The following FUBP3 variants were observed in gnomAD, a reference collection of about 807,000 sequenced individuals.
FUBP3 encodes far upstream element-binding protein 3.
In FUBP3, 28 loss-of-function variants were observed where a neutral mutation model predicts 85.6. The ratio of observed to expected loss-of-function variants is 0.33; its 90% CI spans 0.24 to 0.45. The LOEUF (loss-of-function observed/expected upper bound fraction) is 0.45. Ranked by LOEUF, FUBP3 falls within the 20% of genes least tolerant of loss-of-function variation. The pLI, the probability that FUBP3 is intolerant of heterozygous loss-of-function variation, is 1.00. For missense variants in FUBP3, 583 were observed against 755.1 expected (o/e 0.77, Z 2.67); for synonymous variants, 271 against 271.4 (o/e 1.00, Z 0.01).
intron 9 of FUBP3, among the ~76,000 whole-genome samples, chr9:130,622,169 C>G (rs1274729537): frequency 6.7e-6 from 1 of 149,308 alleles, no homozygotes; most frequent in Non-Finnish European, 1.5e-5. Flanking sequence ...CTAAAAAATA[C>G]AAAAATAAAC....
At chr9:130,615,763 G>A (rs924447774) in intron 6 of FUBP3, among the ~76,000 whole-genome samples, 3 of 152,260 alleles carry the variant, frequency 2.0e-5, no homozygotes, top group South Asian at 2.1e-4. Context: ...ATCCAGCACC[G>A]CCTCCCCCTT....
At chr9:130,583,687 G>C (rs1159047601) in intron 1 of FUBP3, among the ~76,000 whole-genome samples, 2 of 152,168 alleles carry the variant, frequency 1.3e-5, no homozygotes, top group Non-Finnish European at 2.9e-5. Flanking sequence ...TACATTGTTG[G>C]GACCCAGTAG....
chr9:130,580,921 TCTTA>T (rs1185902936), intron 1 of FUBP3: 1 of 152,236 alleles, frequency 6.6e-6, no homozygotes, highest in African/African-American at 2.4e-5. Context: ...TGAGTATCCA[TCTTA>T]CTTAGACTTC....
At chr9:130,633,260 TG>T (rs1830287869) in intron 16 of FUBP3, among the ~76,000 whole-genome samples, 1 of 152,276 alleles carries the variant, frequency 6.6e-6, no homozygotes, top group Non-Finnish European at 1.5e-5. Flanking sequence ...TATCTTATTA[TG>T]AAACGTTTCA....
chr9:130,592,013 C>T (rs1830646331), intron 1 of FUBP3, among the ~76,000 whole-genome samples: 2 of 152,168 alleles, frequency 1.3e-5, no homozygotes, highest in Admixed American at 1.3e-4. Context: ...AGGTGGATCA[C>T]CTGAGGTCAG....
At chr9:130,604,083 G>A (rs1334179083) in intron 2 of FUBP3, among the ~76,000 whole-genome samples, 1 of 152,148 alleles carries the variant, frequency 6.6e-6, no homozygotes, top group Non-Finnish European at 1.5e-5. Context: ...AGTACATCCA[G>A]CAACTTGGAT....
intron 1 of FUBP3, among the ~76,000 whole-genome samples, chr9:130,582,714 C>G (rs1257416265): frequency 6.6e-6 from 1 of 152,180 alleles, no homozygotes; most frequent in Non-Finnish European, 1.5e-5. Context: ...AGATCCAAGT[C>G]TGGTTTATGT....
rs79234751 is a variant in FUBP3, at chr9:130,606,221, A to C, written c.191-3733A>C. ...AAAACGCCCTGAATCCTCACCGCTA[A>C]GTGTGTGTTACTGACCTGAGCTGGG... On this transcript the variant is annotated intron_variant, in intron 2 of 18. Transcript: ENST00000319725. Among the ~76,000 whole-genome samples the C allele has an allele frequency of 6.0e-3, 917 of 152,198 alleles. 13 individuals are homozygous for C. Among genetic ancestry groups the C allele is most frequent in the African/African-American group, 0.021 (870 of 41,508 alleles).
At position 130,635,026 on chromosome 9, in the gene FUBP3, G is replaced by T. The variant is rs1276478708; in HGVS notation, c.1582+288G>T. 1.3e-5 allele frequency among the ~76,000 whole-genome samples: 2 copies of T among 152,166 alleles called. No homozygotes were observed. Among genetic ancestry groups the T allele is most frequent in the Admixed American group, 6.5e-5 (1 of 15,280 alleles). The stretch of plus-strand genomic sequence containing the variant: ...CTTGAGGTGGGCGTGGCACCTGGAA[G>T]TGTGGGCTCAGCTGGCGTCTGGTCT... On this transcript the variant is annotated intron_variant, in intron 17 of 18. Coordinates refer to ENST00000319725, the MANE Select transcript of FUBP3 (RefSeq NM_003934.2). The surrounding 1 kb of genome is among the most constrained non-coding windows in gnomAD (Gnocchi z 4.3).
At chr9:130,593,856 A>G (rs1393731275) in intron 1 of FUBP3, among the ~76,000 whole-genome samples, 3 of 152,268 alleles carry the variant, frequency 2.0e-5, no homozygotes, top group African/African-American at 7.2e-5. Flanking sequence ...TGAAGATCAC[A>G]TATAATTTCC....
Position 130,616,666 on chromosome 9 carries a change from C to T in FUBP3, c.567+149C>T. ...AGGCTTCCTTCCTCCATTTGACAGA[C>T]AGCTTCTGAACATACACCACGGCCA... On this transcript the variant is annotated intron_variant, in intron 7 of 18. Coordinates refer to ENST00000319725, the MANE Select transcript of FUBP3 (RefSeq NM_003934.2). This position sits in a 1 kb window ranked among gnomAD's most constrained non-coding sequence, Gnocchi z 4.7. 1.4e-6 allele frequency: 1 copy of T among 717,238 alleles called. No individual in the cohort carries two copies. The highest frequency in any genetic ancestry group is 2.3e-6 in the Non-Finnish European group (1 of 432,238). The allele number at this position is 717,238 out of a possible 1,614,324, so 44.4% of individuals were successfully genotyped here.
chr9:130,625,562 T>C (rs1829936920), intron 11 of FUBP3, among the ~76,000 whole-genome samples: 1 of 152,220 alleles, frequency 6.6e-6, no homozygotes, highest in Admixed American at 6.5e-5. Flanking sequence ...ACCCTCCACA[T>C]TTAAGAGAGT....
intron 3 of FUBP3, among the ~76,000 whole-genome samples, chr9:130,611,720 G>T (rs1215578026): frequency 6.6e-6 from 1 of 151,104 alleles, no homozygotes; most frequent in African/African-American, 2.4e-5. Flanking sequence ...TGCTTTCTGG[G>T]GTGTTGGGCA....
intron 1 of FUBP3, among the ~76,000 whole-genome samples, 190 bp downstream of exon 1, chr9:130,579,954 G>A (rs867707948): frequency 6.6e-6 from 1 of 152,236 alleles, no homozygotes; most frequent in Non-Finnish European, 1.5e-5. Context: ...GCCCAGGCCC[G>A]GCCTGTCGGG....
intron 1 of FUBP3, among the ~76,000 whole-genome samples, chr9:130,590,011 G>A (rs1478901376): frequency 7.7e-6 from 1 of 130,578 alleles, no homozygotes; most frequent in African/African-American, 3.0e-5. Flanking sequence ...CACCACACCC[G>A]GCCTATTTAA....
At chr9:130,633,108 A>G (rs769811361) in intron 16 of FUBP3, among the ~76,000 whole-genome samples, 14 of 152,210 alleles carry the variant, frequency 9.2e-5, no homozygotes, top group Non-Finnish European at 1.9e-4. Context: ...TCCTGAGGCC[A>G]GTGCTGTGTG....
In FUBP3 at chr9:130,636,395, C is replaced by T. The variant is rs142101246; in HGVS notation, c.1710+269C>T. ...GCCTGAACTTTCCTCAAGTCCAGGC[C>T]CCAGACCTCAGGGCTGATTAGTAGT... is the stretch of plus-strand genomic sequence containing the variant. On this transcript the variant is annotated intron_variant, in intron 18 of 18. Coordinates refer to ENST00000319725, the MANE Select transcript of FUBP3 (RefSeq NM_003934.2). Among the ~76,000 whole-genome samples, 22 of 152,368 alleles carry T rather than the reference C, an allele frequency of 1.4e-4. No homozygotes were observed. The East Asian group carries it at 4.2e-3, about 29-fold the overall frequency.
At chr9:130,596,446 A>C (rs1031607205) in intron 2 of FUBP3, among the ~76,000 whole-genome samples, 1 of 152,146 alleles carries the variant, frequency 6.6e-6, no homozygotes, top group Non-Finnish European at 1.5e-5. Context: ...CCAAAAGTGC[A>C]TATTTTTATA....
At chr9:130,623,353 T>G (rs1829834081) in intron 10 of FUBP3, among the ~76,000 whole-genome samples, 1 of 152,164 alleles carries the variant, frequency 6.6e-6, no homozygotes, top group Non-Finnish European at 1.5e-5. Flanking sequence ...CAAGCTTTGT[T>G]TTAGTTCTTT....
Sources: gnomAD v4.1 joint callset for allele counts (sites outside exome capture counted in the v4.1 genomes callset) on GRCh38, gnomAD v4.1.1 for gene constraint, Gnocchi (gnomAD v3.1) non-coding constraint, MANE v1.5 for transcripts, NCBI Gene and HGNC (gene_info 2026-07-23, HGNC 2026-07-21) for gene names.